The following RNF167 variants were observed in gnomAD, a reference collection of about 807,000 sequenced individuals.
The protein encoded by RNF167 is ring finger protein 167, also known as E3 ubiquitin-protein ligase RNF167.
Under a neutral mutation model 34.8 loss-of-function variants are expected in RNF167, and 19 were observed. That is an observed-to-expected ratio of 0.55 (90% confidence interval 0.38 to 0.80). The LOEUF is 0.80. Ranked by LOEUF, RNF167 falls within the 30% of genes least tolerant of loss-of-function variation. The pLI, the probability that RNF167 is intolerant of heterozygous loss-of-function variation, is 0.00. For synonymous variants in RNF167, 200 were observed against 170.4 expected (o/e 1.17, Z -1.35); for missense variants, 464 against 447.0 (o/e 1.04, Z -0.34).
At chr17:4,943,134 C>T (rs769553326) in intron 6 of RNF167, 45 bp from the exon 7 acceptor site, 2 of 1,550,846 alleles carry the variant, frequency 1.3e-6, no homozygotes, top group South Asian at 1.1e-5. Context: ...TTTTTTTCTC[C>T]CTTTGCCTTT....
intron 3 of RNF167, among the ~76,000 whole-genome samples, chr17:4,941,841 C>T (rs528663392): frequency 2.4e-4 from 37 of 152,052 alleles, no homozygotes; most frequent in African/African-American, 8.0e-4. Context: ...CACTTGAAAC[C>T]GGAAGGTGGA....
At chr17:4,942,238 G>T in intron 3 of RNF167, 103 bp from the exon 4 acceptor site, 1 of 1,333,040 alleles carries the variant, frequency 7.5e-7, no homozygotes, top group South Asian at 1.3e-5. Context: ...GAGGAAGTGA[G>T]GATAGAGGAT....
Position 4,944,920 on chromosome 17 carries a change from C to T in RNF167, c.957C>T (p.Thr319=), listed in dbSNP as rs1221462422. ...TGGGTTCTAGCCCCACTCTTCCCACCTCCTTTGGTTCCTTAGCCCCAGCTC... is the reference window on the plus strand; with the variant it reads ...TGGGTTCTAGCCCCACTCTTCCCACTTCCTTTGGTTCCTTAGCCCCAGCTC... ...PLLGSSPTLP[T]SFGSLAPAPL... is the part of the protein sequence containing the mutation. The change falls in exon 10 of 10, where the codon ACC becomes ACT. Residue 319 remains threonine, a synonymous_variant. Transcript: ENST00000262482. The T allele has an allele frequency of 2.5e-6, 4 of 1,613,656 alleles. No homozygotes were observed. Among genetic ancestry groups the T allele is most frequent in the South Asian group, 1.1e-5 (1 of 91,036 alleles).
Position 4,943,348 on chromosome 17 carries a change from T to G in RNF167, c.576+64T>G, listed in dbSNP as rs1232389781. On this transcript the variant is annotated intron_variant, in intron 7 of 9. Coordinates refer to ENST00000262482, the MANE Select transcript of RNF167 (RefSeq NM_015528.3). ...CTGTGAGGCCAGACTGGATCTGGAG[T>G]TGGGAGATGGGAGTGGCTTGTCCTA... The G allele has an allele frequency of 5.0e-6, 8 of 1,590,584 alleles. No individual in the cohort carries two copies. In the East Asian group the frequency reaches 1.8e-4, roughly 36 times the overall value.
Position 4,940,984 on chromosome 17 carries a change from C to T in RNF167, c.75C>T (p.Leu25=), listed in dbSNP as rs1970737305. 1.9e-6 allele frequency: 3 copies of T among 1,612,362 alleles called. No individual in the cohort carries two copies. The highest frequency in any genetic ancestry group is 2.5e-6 in the Non-Finnish European group (3 of 1,178,796). Residue 25 remains leucine, a synonymous_variant, in exon 2 of 10, where the codon CTC becomes CTT. Coordinates refer to ENST00000262482, the MANE Select transcript of RNF167 (RefSeq NM_015528.3). ...VLWGAAPTRG[L]IRATSDHNAS... ...GGGGAGCGGCCCCGACCCGGGGGCTCATTCGAGCGGTGAGTCTGAGGGACG... is the reference window on the plus strand; with the variant it reads ...GGGGAGCGGCCCCGACCCGGGGGCTTATTCGAGCGGTGAGTCTGAGGGACG...
intron 7 of RNF167, 33 bp from the exon 8 acceptor site, chr17:4,943,393 T>G: frequency 6.2e-7 from 1 of 1,603,106 alleles, no homozygotes; most frequent in Non-Finnish European, 8.5e-7. Flanking sequence ...GTTTTGTTCC[T>G]AAGCCTTGTC....
At chr17:4,943,664 T>C (rs1971066990) in intron 8 of RNF167, 145 bp downstream of exon 8, 1 of 694,520 alleles carries the variant, frequency 1.4e-6, no homozygotes, top group Non-Finnish European at 2.5e-6. Context: ...TCCCAGTACT[T>C]TGGGAGGCCA....
At chr17:4,941,211 T>C in intron 3 of RNF167, 54 bp downstream of exon 3, 1 of 1,511,932 alleles carries the variant, frequency 6.6e-7, no homozygotes, top group Non-Finnish European at 9.1e-7. Flanking sequence ...CTTTTCTGTC[T>C]TTTTTCTTTT....
At position 4,940,620 on chromosome 17, in the gene RNF167, C is replaced by T. The variant is rs1970696053; in HGVS notation, c.-290C>T. The T allele has an allele frequency of 2.9e-6, 1 of 341,002 alleles. No homozygotes were observed. Among genetic ancestry groups the T allele is most frequent in the South Asian group, 1.2e-4 (1 of 8,428 alleles). The allele number at this position is 341,002 out of a possible 1,614,324, so 21.1% of individuals were successfully genotyped here. ...CACCTCCTTGAGCTCCGCCACCCTT[C>T]CCGAAGTTTTTCTGTCACCTGTGTT... On this transcript the variant is annotated 5_prime_UTR_variant, in exon 2 of 10. Coordinates refer to ENST00000262482, the MANE Select transcript of RNF167 (RefSeq NM_015528.3).
At chr17:4,940,212 G>A (rs1187855307), upstream of RNF167, 1 of 298,110 alleles carries the variant, frequency 3.4e-6, no homozygotes, top group African/African-American at 2.2e-5. Flanking sequence ...GAGTTTGTTT[G>A]AAGGTCTCGC....
chr17:4,945,080 T>C lies in RNF167; in HGVS notation c.*64T>C, dbSNP rs1971284408. The C allele has an allele frequency of 7.3e-7, 1 of 1,360,664 alleles. No individual in the cohort carries two copies. The highest frequency in any genetic ancestry group is 2.4e-5 in the Admixed American group (1 of 41,180). The allele number at this position is 1,360,664 out of a possible 1,614,324, so 84.3% of individuals were successfully genotyped here. A position where few individuals can be genotyped will look rare whatever the true frequency, so the allele number is the denominator to read the frequency against. On this transcript the variant is annotated 3_prime_UTR_variant, in exon 10 of 10. Transcript: ENST00000262482. ...CAGACCGTCGTCTTCCCTCCAGTCT[T>C]CTGAGGGATAGGGGACATTCCATCC...
intron 3 of RNF167, among the ~76,000 whole-genome samples, chr17:4,942,029 G>C (rs1970860931): frequency 6.6e-6 from 1 of 152,216 alleles, no homozygotes; most frequent in South Asian, 2.1e-4. Flanking sequence ...TGGGTGGTTT[G>C]AGAATTGAAT....
Position 4,943,444 on chromosome 17 carries a change from C to G in RNF167, c.595C>G (p.His199Asp), listed in dbSNP as rs746809876. Residue 199 changes from histidine (H) to aspartate (D), a missense_variant, in exon 8 of 10, where the codon CAC becomes GAC. By Grantham distance (81) the His-to-Asp change is moderately conservative. Coordinates refer to ENST00000262482, the MANE Select transcript of RNF167 (RefSeq NM_015528.3). ...CCCCCAGATAGCTCGTTGTATCCAG[C>G]ACCGGAAACGGCTCCAGCGGAATCG... is the stretch of plus-strand genomic sequence containing the variant. The part of the protein sequence containing the change: ...GAVMIARCIQ[H>D]RKRLQRNRLT... The G allele has an allele frequency of 3.7e-6, 6 of 1,613,940 alleles. No individual in the cohort carries two copies. In the South Asian group the frequency reaches 6.6e-5, roughly 18 times the overall value.
chr17:4,945,058 A>ACCGT lies in RNF167; in HGVS notation c.*44_*47dup. On this transcript the variant is annotated 3_prime_UTR_variant, in exon 10 of 10. Transcript: ENST00000262482. ...CACCTCTGGTGACCTATTTGCACAG[A>ACCGT]CCGTCGTCTTCCCTCCAGTCTTCTG... 1 of 1,469,724 alleles carries ACCGT rather than the reference A, an allele frequency of 6.8e-7. No individual in the cohort carries two copies. Among genetic ancestry groups the ACCGT allele is most frequent in the East Asian group, 2.4e-5 (1 of 42,422 alleles). The allele number at this position is 1,469,724 out of a possible 1,614,324, so 91.0% of individuals were successfully genotyped here. A position where few individuals can be genotyped will look rare whatever the true frequency, so the allele number is the denominator to read the frequency against.
At chr17:4,944,675 C>G in intron 9 of RNF167, 37 bp downstream of exon 9, 1 of 1,614,124 alleles carries the variant, frequency 6.2e-7, no homozygotes, top group Non-Finnish European at 8.5e-7. Flanking sequence ...CCCTCTGCCA[C>G]CAGCAGCCAC....
At position 4,944,703 on chromosome 17, in the gene RNF167, TC is replaced by T; in HGVS notation, c.752-10del. ...GCAGCCACCAGGTGCTTCACCTTGT[TC>T]CTCTCTGCAGCCTACCACAGCCGCT... On this transcript the variant is annotated splice_polypyrimidine_tract_variant and intron_variant, in intron 9 of 9. Transcript: ENST00000262482. 1 of 1,614,064 alleles carries T rather than the reference TC, an allele frequency of 6.2e-7. No homozygotes were observed. Among genetic ancestry groups the T allele is most frequent in the Non-Finnish European group, 8.5e-7 (1 of 1,180,022 alleles).
rs754984388 is a variant in RNF167 at position 4,944,540 on chromosome 17, A to T, written c.671-18A>T. The T allele has an allele frequency of 4.5e-6, 7 of 1,560,134 alleles. No homozygotes were observed. The highest frequency in any genetic ancestry group is 1.4e-5 in the African/African-American group (1 of 73,290). ...TTGTGGCTCAGTGAAGGACTAGATT[A>T]TTTTCTTTCTGTCCCAGGAGACCAG... is the stretch of plus-strand genomic sequence containing the variant. On this transcript the variant is annotated intron_variant, in intron 8 of 9. Transcript: ENST00000262482.
chr17:4,944,179 C>T (rs1971136227), intron 8 of RNF167, among the ~76,000 whole-genome samples: 1 of 152,106 alleles, frequency 6.6e-6, no homozygotes, highest in Admixed American at 6.5e-5. Flanking sequence ...GTGGACAGAG[C>T]AGAAAAATGG....
intron 6 of RNF167, 98 bp from the exon 7 acceptor site, chr17:4,943,081 C>A: frequency 7.7e-7 from 1 of 1,302,458 alleles, no homozygotes; most frequent in South Asian, 1.2e-5. Flanking sequence ...CCATTCCTGT[C>A]CCCACCTATG....
Sources: gnomAD v4.1 joint callset for allele counts (sites outside exome capture counted in the v4.1 genomes callset) on GRCh38, gnomAD v4.1.1 for gene constraint, MANE v1.5 for transcripts, NCBI Gene and HGNC (gene_info 2026-07-23, HGNC 2026-07-21) for gene names.